The following BCAS3 variants were observed in gnomAD, a reference collection of about 807,000 sequenced individuals.
The protein encoded by BCAS3 is BCAS4/BCAS3 fusion.
Under a neutral mutation model 116.1 loss-of-function variants are expected in BCAS3, and 53 were observed. The ratio of observed to expected loss-of-function variants is 0.46; its 90% CI spans 0.37 to 0.57. BCAS3 has a LOEUF of 0.57. Among genes scored for constraint, BCAS3 ranks in the 20% least tolerant of loss-of-function variants. The pLI is 0.00. For synonymous variants in BCAS3, 391 were observed against 408.2 expected, an observed-to-expected ratio of 0.96 and a Z score of 0.51; for missense variants, 917 against 1,165.4, an observed-to-expected ratio of 0.79 and a Z score of 3.10.
At chr17:61,108,799 C>A (rs2074852435) in intron 22 of BCAS3, among the ~76,000 whole-genome samples, 1 of 152,122 alleles carries the variant, frequency 6.6e-6, no homozygotes, top group South Asian at 2.1e-4. Flanking sequence ...TCAAATGTAT[C>A]ATTCTTATGC....
At chr17:61,005,863 T>G (rs926854591) in intron 15 of BCAS3, among the ~76,000 whole-genome samples, 1 of 151,760 alleles carries the variant, frequency 6.6e-6, no homozygotes, top group African/African-American at 2.4e-5. Context: ...TAGTTACATA[T>G]GTATACATGT....
At chr17:60,761,257 C>T (rs528407095) in intron 6 of BCAS3, among the ~76,000 whole-genome samples, 1 of 152,090 alleles carries the variant, frequency 6.6e-6, no homozygotes, top group South Asian at 2.1e-4. Flanking sequence ...TACATGTGCA[C>T]AAAGTGCAGG....
intron 14 of BCAS3, among the ~76,000 whole-genome samples, chr17:60,965,322 A>G (rs2061601370): frequency 6.6e-6 from 1 of 151,142 alleles, no homozygotes; most frequent in African/African-American, 2.4e-5. Flanking sequence ...CCTGAGTTCA[A>G]GTGATTCTCC....
intron 19 of BCAS3, among the ~76,000 whole-genome samples, chr17:61,058,205 C>T (rs1166537732): frequency 6.6e-6 from 1 of 152,190 alleles, no homozygotes; most frequent in African/African-American, 2.4e-5. Flanking sequence ...CAGATTGTCT[C>T]TCTGCAGCTT....
chr17:61,235,758 G>T lies in BCAS3; in HGVS notation c.2426-132569G>T, dbSNP rs1423395057. ...AAGACAAGGGAAAAAAATGGTTAGG[G>T]AGGCTGCAAAAGAGATGTGGAGACT... On this transcript the variant is annotated intron_variant, in intron 22 of 23. Transcript: ENST00000407086. The surrounding 1 kb of genome is among the most constrained non-coding windows in gnomAD (Gnocchi z 5.0). 6.6e-6 allele frequency among the ~76,000 whole-genome samples: 1 copy of T among 152,076 alleles called. No individual in the cohort carries two copies. The highest frequency in any genetic ancestry group is 1.5e-5 in the Non-Finnish European group (1 of 68,024).
At chr17:60,975,103 G>A (rs2062237970) in intron 14 of BCAS3, among the ~76,000 whole-genome samples, 1 of 151,058 alleles carries the variant, frequency 6.6e-6, no homozygotes, top group East Asian at 1.9e-4. Flanking sequence ...CCGGGTTCAC[G>A]CCATTCTCCT....
rs570282613 is a variant in BCAS3, at chr17:61,106,648, A to G, written c.2425+22084A>G. ...TGGGGGTCTTGGAACGTATCCCCATAGATAAGGAGCGGGGGACAGTTGTAG... is the reference window on the plus strand; with the variant it reads ...TGGGGGTCTTGGAACGTATCCCCATGGATAAGGAGCGGGGGACAGTTGTAG... On this transcript the variant is annotated intron_variant, in intron 22 of 23. Transcript: ENST00000407086. The surrounding 1 kb of genome is among the most constrained non-coding windows in gnomAD (Gnocchi z 4.2). 2.6e-4 allele frequency among the ~76,000 whole-genome samples: 39 copies of G among 152,228 alleles called. No homozygotes were observed. The highest frequency in any genetic ancestry group is 4.0e-4 in the Non-Finnish European group (27 of 68,054).
intron 4 of BCAS3, among the ~76,000 whole-genome samples, chr17:60,697,033 T>A (rs983847883): frequency 2.0e-5 from 3 of 146,474 alleles, no homozygotes; most frequent in Admixed American, 6.9e-5. Flanking sequence ...CAAAAAAATA[T>A]TAAAAAATTA....
Position 61,068,285 on chromosome 17 carries a change from C to T in BCAS3, c.2030-6635C>T, listed in dbSNP as rs2143386086. On this transcript the variant is annotated intron_variant, in intron 19 of 23. Coordinates refer to ENST00000407086, the MANE Select transcript of BCAS3 (RefSeq NM_017679.5). The surrounding 1 kb of genome is among the most constrained non-coding windows in gnomAD (Gnocchi z 4.3). Reference sequence around the variant, plus strand: ...TTCGAAGAAAGGTGGAAAAATTAATCTCAATCAATTATACCACCTCCAAAG... The same window carrying T: ...TTCGAAGAAAGGTGGAAAAATTAATTTCAATCAATTATACCACCTCCAAAG... Among the ~76,000 whole-genome samples, 1 of 152,156 alleles carries T rather than the reference C, an allele frequency of 6.6e-6. No homozygotes were observed. The highest frequency in any genetic ancestry group is 3.4e-3 in the Middle Eastern group (1 of 294).
intron 22 of BCAS3, among the ~76,000 whole-genome samples, chr17:61,133,859 CAAAAAAAAAAA>C (rs11449964): frequency 3.7e-5 from 3 of 81,930 alleles, no homozygotes; most frequent in Non-Finnish European, 6.9e-5. Flanking sequence ...CCTGGAATCT[CAAAAAAAAAAA>C]AAAAAAAAAA....
chr17:61,183,207 G>C (rs1408477808), intron 22 of BCAS3, among the ~76,000 whole-genome samples: 1 of 152,010 alleles, frequency 6.6e-6, no homozygotes, highest in Non-Finnish European at 1.5e-5. Context: ...TTTTAGAAAA[G>C]AAAACATTAC....
chr17:60,724,408 G>A (rs1478049471), intron 5 of BCAS3, among the ~76,000 whole-genome samples: 1 of 123,534 alleles, frequency 8.1e-6, no homozygotes, highest in East Asian at 2.8e-4. Flanking sequence ...GGGTGACAGA[G>A]TGAGACTGTC....
chr17:60,892,662 T>C (rs1466744592), intron 10 of BCAS3, among the ~76,000 whole-genome samples: 2 of 150,016 alleles, frequency 1.3e-5, no homozygotes, highest in South Asian at 2.3e-4. Context: ...GGCTCATGCC[T>C]ATAATCCCAG....
At chr17:61,168,379 C>G (rs969164985) in intron 22 of BCAS3, among the ~76,000 whole-genome samples, 15 of 152,110 alleles carry the variant, frequency 9.9e-5, no homozygotes, top group African/African-American at 3.6e-4. Flanking sequence ...GAATTACCAT[C>G]CTGCAAAATG....
chr17:60,867,960 C>T (rs1193339460), intron 7 of BCAS3, among the ~76,000 whole-genome samples: 1 of 150,584 alleles, frequency 6.6e-6, no homozygotes, highest in African/African-American at 2.4e-5. Flanking sequence ...CATGAATAGG[C>T]TTTGAAGTTT....
chr17:61,388,072 A>G lies in BCAS3; in HGVS notation c.2594-3905A>G, dbSNP rs1481103091. Among the ~76,000 whole-genome samples, 4 of 151,784 alleles carry G rather than the reference A, an allele frequency of 2.6e-5. No homozygotes were observed. Among genetic ancestry groups the G allele is most frequent in the Non-Finnish European group, 5.9e-5 (4 of 67,966 alleles). ...CATTTCCTGCCACAGAGCCCCCAGC[A>G]CTCTCTTTCGGGCCCTGGCAGGTTC... On this transcript the variant is annotated intron_variant, in intron 23 of 23. Transcript: ENST00000407086. This position sits in a 1 kb window ranked among gnomAD's most constrained non-coding sequence, Gnocchi z 6.5.
intron 5 of BCAS3, among the ~76,000 whole-genome samples, chr17:60,738,943 T>C (rs1484787907): frequency 6.6e-6 from 1 of 152,124 alleles, no homozygotes; most frequent in African/African-American, 2.4e-5. Context: ...GTTTTTTTCT[T>C]TTTTTATCTT....
chr17:61,167,520 G>A (rs1291988717), intron 22 of BCAS3, among the ~76,000 whole-genome samples: 1 of 152,174 alleles, frequency 6.6e-6, no homozygotes, highest in East Asian at 1.9e-4. Context: ...ATAGTTTTAA[G>A]CTTCTGACAC....
intron 14 of BCAS3, among the ~76,000 whole-genome samples, chr17:60,978,353 G>GT (rs1362396590): frequency 1.3e-5 from 2 of 149,802 alleles, no homozygotes; most frequent in African/African-American, 2.5e-5. Flanking sequence ...GGGGTTGTTT[G>GT]TTTTTTTCTT....
Sources: allele counts gnomAD v4.1 joint callset (sites outside exome capture counted in the v4.1 genomes callset), GRCh38; gene constraint gnomAD v4.1.1; non-coding constraint Gnocchi (gnomAD v3.1); transcripts MANE v1.5; gene names NCBI Gene and HGNC (gene_info 2026-07-23, HGNC 2026-07-21).